BCR: variants seen among roughly 807,000 people sequenced by gnomAD.
BCR encodes the protein breakpoint cluster region protein.
Under a neutral mutation model 138.6 loss-of-function variants are expected in BCR, and 58 were observed. That is an observed-to-expected ratio of 0.42 (90% CI 0.34 to 0.52). The LOEUF is 0.52. Among genes scored for constraint, BCR ranks in the 20% least tolerant of loss-of-function variants. BCR has a pLI of 0.06. For missense variants in BCR, 1,599 were observed against 1,727.2 expected, an observed-to-expected ratio of 0.93 and a Z score of 1.32; for synonymous variants, 786 against 730.1, an observed-to-expected ratio of 1.08 and a Z score of -1.23.
intron 17 of BCR, chr22:23,309,983 C>T (rs2073989641): frequency 2.5e-6 from 1 of 399,980 alleles, no homozygotes; most frequent in Admixed American, 3.7e-5. Context: ...GTCTCAGCTA[C>T]TCTGGAGTCT....
chr22:23,314,529 C>T (rs1388778883), intron 21 of BCR, 23 bp from the exon 22 acceptor site: 6 of 1,611,682 alleles, frequency 3.7e-6, no homozygotes, highest in East Asian at 4.5e-5. Flanking sequence ...TGAAACAGCA[C>T]CCGCTGCTTT....
intron 1 of BCR, among the ~76,000 whole-genome samples, chr22:23,183,328 C>T (rs889780993): frequency 2.0e-5 from 3 of 152,176 alleles, no homozygotes; most frequent in African/African-American, 7.2e-5. Flanking sequence ...TTTTCTTTTT[C>T]TGCTGATGGA....
In BCR at chr22:23,312,916, G is replaced by A. The variant is rs747942577; in HGVS notation, c.3352G>A (p.Glu1118Lys). Residue 1118 changes from glutamate to lysine, a missense_variant, in exon 20 of 23, where the codon GAG becomes AAG. Transcript: ENST00000305877. ...NNKDVSVMMS[E>K]MDVNAIAGTL... ...CAAGGACGTGTCGGTGATGATGAGCGAGATGGACGTGAACGCCATCGCAGG... is the reference window on the plus strand; with the variant it reads ...CAAGGACGTGTCGGTGATGATGAGCAAGATGGACGTGAACGCCATCGCAGG... 14 of 1,595,106 alleles carry A rather than the reference G, an allele frequency of 8.8e-6. No homozygotes were observed. The African/African-American group carries it at 9.4e-5, about 11-fold the overall frequency.
intron 1 of BCR, among the ~76,000 whole-genome samples, chr22:23,219,904 C>CCTGCACCGT (rs3055954): frequency 6.6e-6 from 1 of 151,490 alleles, no homozygotes; most frequent in South Asian, 2.1e-4. Flanking sequence ...ATGCCTCCTT[C>CCTGCACCGT]CTGGGCTCCC....
intron 12 of BCR, among the ~76,000 whole-genome samples, chr22:23,288,508 A>C (rs1204433425): frequency 6.8e-6 from 1 of 146,756 alleles, no homozygotes; most frequent in African/African-American, 2.5e-5. Flanking sequence ...TGCTGCCCAT[A>C]CACCGCACCC....
chr22:23,273,851 CT>C, intron 8 of BCR, 77 bp downstream of exon 8: 1 of 1,582,204 alleles, frequency 6.3e-7, no homozygotes, highest in Non-Finnish European at 8.6e-7. Flanking sequence ...GATCTGAGGT[CT>C]GGAGCCCTTC....
chr22:23,263,163 G>T (rs1329695138), intron 4 of BCR: 2 of 773,674 alleles, frequency 2.6e-6, no homozygotes, highest in South Asian at 1.8e-5. Context: ...GGAGGAGGAG[G>T]AGGAGGCGGC....
At chr22:23,313,882 A>G in intron 20 of BCR, 86 bp from the exon 21 acceptor site, 1 of 1,075,062 alleles carries the variant, frequency 9.3e-7, no homozygotes, top group Non-Finnish European at 1.4e-6. Flanking sequence ...GTGCAGGGAC[A>G]CAAGCCCCAG....
At chr22:23,203,910 A>T (rs547354130) in intron 1 of BCR, among the ~76,000 whole-genome samples, 226 of 152,292 alleles carry the variant, frequency 1.5e-3, no homozygotes, top group African/African-American at 5.2e-3. Context: ...GCAGAAAAGG[A>T]TTTCTACAAA....
chr22:23,279,000 G>T (rs55954687), intron 8 of BCR, among the ~76,000 whole-genome samples: 3,887 of 152,316 alleles, frequency 0.026, 77 homozygotes, highest in Non-Finnish European at 0.027. Context: ...TTCCAGGAGC[G>T]TGGGCACGTT....
intron 4 of BCR, chr22:23,263,315 C>A: frequency 1.7e-6 from 2 of 1,171,284 alleles, no homozygotes; most frequent in Non-Finnish European, 2.5e-6. Context: ...GGCACTTCAC[C>A]AACTGCGACC....
rs576449063 is a variant in BCR, at chr22:23,232,266, G to A, written c.1280-21533G>A. Among the ~76,000 whole-genome samples, 12 of 152,360 alleles carry A rather than the reference G, an allele frequency of 7.9e-5. No homozygotes were observed. In the East Asian group the frequency reaches 1.5e-3, roughly 20 times the overall value. Reference sequence around the variant, plus strand: ...GGTGCCTAGCACCTCACAGGGACTCGGGGTGTCCTGGCTGACCAGCCGAAT... The same window carrying A: ...GGTGCCTAGCACCTCACAGGGACTCAGGGTGTCCTGGCTGACCAGCCGAAT... On this transcript the variant is annotated intron_variant, in intron 1 of 22. Coordinates refer to ENST00000305877, the MANE Select transcript of BCR (RefSeq NM_004327.4).
chr22:23,271,358 C>T (rs555093982), intron 5 of BCR, among the ~76,000 whole-genome samples, 174 bp from the exon 6 acceptor site: 1 of 152,358 alleles, frequency 6.6e-6, no homozygotes, highest in African/African-American at 2.4e-5. Flanking sequence ...GGGCATCCTG[C>T]GTGCTCGGCT....
At chr22:23,256,707 G>A (rs909065347) in intron 2 of BCR, among the ~76,000 whole-genome samples, 2 of 152,128 alleles carry the variant, frequency 1.3e-5, no homozygotes, top group Admixed American at 6.5e-5. Context: ...TAGGAGGAGG[G>A]ACTAGAAGGG....
intron 8 of BCR, among the ~76,000 whole-genome samples, chr22:23,277,036 C>T (rs955885984): frequency 6.6e-6 from 1 of 152,188 alleles, no homozygotes; most frequent in African/African-American, 2.4e-5. Flanking sequence ...TCGGAGGTGA[C>T]GGGCGAGCTC....
Position 23,281,482 on chromosome 22 carries a change from C to T in BCR, c.2116-2495C>T, listed in dbSNP as rs543395777. The stretch of plus-strand genomic sequence containing the variant: ...CGGGGACCAGGCTGCTGAGCGCTTC[C>T]GAGAGGGACATCTCCTGGGCAGGGA... On this transcript the variant is annotated intron_variant, in intron 8 of 22. Transcript: ENST00000305877. Among the ~76,000 whole-genome samples, 15 of 152,342 alleles carry T rather than the reference C, an allele frequency of 9.8e-5. No homozygotes were observed. In the South Asian group the frequency reaches 2.5e-3, roughly 25 times the overall value.
chr22:23,181,956 C>A lies in BCR; in HGVS notation c.996C>A (p.Cys332Ter). Residue 332 changes from cysteine (C) to a stop codon, truncating the protein, a stop_gained, in exon 1 of 23, where the codon TGC (cysteine) becomes TGA (stop). Transcript: ENST00000305877. LOFTEE classifies it high-confidence loss of function. Reference protein sequence around the residue: ...EDCGGGYTPDCSSNENLTSSE... With the variant: ...EDCGGGYTPD ...GCGGAGGCGGCTATACCCCGGACTGCAGCTCCAATGAGAACCTCACCTCCA... is the reference window on the plus strand; with the variant it reads ...GCGGAGGCGGCTATACCCCGGACTGAAGCTCCAATGAGAACCTCACCTCCA... 6.2e-7 allele frequency: 1 copy of A among 1,613,008 alleles called. No individual in the cohort carries two copies. The highest frequency in any genetic ancestry group is 8.5e-7 in the Non-Finnish European group (1 of 1,179,894).
At chr22:23,280,172 AAC>A (rs1282213005) in intron 8 of BCR, among the ~76,000 whole-genome samples, 7 of 152,198 alleles carry the variant, frequency 4.6e-5, no homozygotes, top group Non-Finnish European at 1.0e-4. Context: ...TTTCAGCCCT[AAC>A]AGTATGCTTC....
chr22:23,281,821 G>A (rs898377045), intron 8 of BCR, among the ~76,000 whole-genome samples: 14 of 152,234 alleles, frequency 9.2e-5, no homozygotes, highest in Non-Finnish European at 1.9e-4. Context: ...TCCTCTCAAC[G>A]TGGCAAGCCG....
Sources: allele counts gnomAD v4.1 joint callset (sites outside exome capture counted in the v4.1 genomes callset), GRCh38; gene constraint gnomAD v4.1.1; transcripts MANE v1.5; gene names NCBI Gene and HGNC (gene_info 2026-07-23, HGNC 2026-07-21).